The following C9orf78 variants were observed in gnomAD, a reference collection of about 807,000 sequenced individuals.
C9orf78 encodes splicing factor C9orf78.
Under a neutral mutation model 37.4 loss-of-function variants are expected in C9orf78, and 19 were observed. The observed-to-expected ratio is 0.51, with a 90% CI of 0.35 to 0.74. C9orf78 has a LOEUF of 0.74. Among genes scored for constraint, C9orf78 ranks in the 30% least tolerant of loss-of-function variants. The probability of loss-of-function intolerance (pLI) is 0.01; values close to 1 mark genes in which losing one functional copy is unlikely to be tolerated. For missense variants in C9orf78, 291 were observed against 370.8 expected (o/e 0.78, Z 1.77); for synonymous variants, 130 against 128.0 (o/e 1.02, Z -0.10).
In C9orf78 at chr9:129,831,902, G is replaced by T; in HGVS notation, c.338C>A (p.Ala113Glu). ...CAAACAGACTGACACTTACATGTCTGCATCCTCATCCCTTCGGTTGGTTTC... is the reference window on the plus strand; with the variant it reads ...CAAACAGACTGACACTTACATGTCTTCATCCTCATCCCTTCGGTTGGTTTC... ...SAETNRRDED[A>E]DMMKYIETEL... The change falls in exon 5 of 9, where the codon GCA (alanine) becomes GAA (glutamate). Residue 113 changes from alanine (A) to glutamate (E), a missense_variant. Transcript: ENST00000372447. 1 of 1,546,386 alleles carries T rather than the reference G, an allele frequency of 6.5e-7. No individual in the cohort carries two copies. The highest frequency in any genetic ancestry group is 8.9e-7 in the Non-Finnish European group (1 of 1,118,376).
chr9:129,830,385 GA>G (rs2031461981), intron 6 of C9orf78: 2 of 161,630 alleles, frequency 1.2e-5, no homozygotes. Flanking sequence ...AAATTTTTTT[GA>G]GAGACAGGAG....
At chr9:129,831,652 C>T (rs2031499328) in intron 5 of C9orf78, 1 of 442,578 alleles carries the variant, frequency 2.3e-6, no homozygotes, top group African/African-American at 2.0e-5. Flanking sequence ...TCGAACTCCC[C>T]ACCTCAGATG....
chr9:129,828,361 C>T (rs1320761379), intron 8 of C9orf78, 109 bp from the exon 9 acceptor site: 2 of 703,906 alleles, frequency 2.8e-6, no homozygotes, highest in Non-Finnish European at 5.3e-6. Flanking sequence ...ACAGGAGCCC[C>T]AGCGCCTAAC....
chr9:129,828,884 C>T (rs1212677530), intron 8 of C9orf78: 2 of 416,650 alleles, frequency 4.8e-6, no homozygotes, highest in Non-Finnish European at 9.0e-6. Context: ...GTGTGAGGCA[C>T]TGCACCCAGC....
intron 6 of C9orf78, 198 bp from the exon 7 acceptor site, chr9:129,829,739 C>A: frequency 1.9e-6 from 1 of 526,078 alleles, no homozygotes. Context: ...TTACTCTGCT[C>A]TTCTGATCAA....
rs780170176 is a variant in C9orf78 at position 129,834,779 on chromosome 9, G to A, written c.84-13C>T. On this transcript the variant is annotated splice_polypyrimidine_tract_variant and intron_variant, in intron 1 of 8. Coordinates refer to ENST00000372447, the MANE Select transcript of C9orf78 (RefSeq NM_016520.3). ...TTCCAGTTTTAATCTTTAAAAAGAA[G>A]AAGAAGCAGCAATGCATAAGCTGAG... The A allele has an allele frequency of 8.1e-6, 13 of 1,600,778 alleles. No homozygotes were observed. In the East Asian group the frequency reaches 1.3e-4, roughly 16 times the overall value.
At chr9:129,829,646 T>C in intron 6 of C9orf78, 105 bp from the exon 7 acceptor site, 15 of 941,632 alleles carry the variant, frequency 1.6e-5, no homozygotes, top group Non-Finnish European at 1.8e-5. Context: ...AAATCATGTG[T>C]CCTGGGGCAC....
chr9:129,830,039 A>T (rs963545362), intron 6 of C9orf78: 1 of 153,462 alleles, frequency 6.5e-6, no homozygotes, highest in African/African-American at 2.4e-5. Context: ...TCCAGCAGTC[A>T]GGGGCCCTTA....
At chr9:129,828,338 T>C (rs944745184) in intron 8 of C9orf78, 86 bp from the exon 9 acceptor site, 5 of 804,894 alleles carry the variant, frequency 6.2e-6, no homozygotes, top group Non-Finnish European at 1.1e-5. Context: ...GACAACTGCC[T>C]GTTTCCTTCC....
chr9:129,833,752 T>G, intron 2 of C9orf78, 43 bp from the exon 3 acceptor site: 1 of 1,473,820 alleles, frequency 6.8e-7, no homozygotes, highest in Non-Finnish European at 9.4e-7. Flanking sequence ...GAGAGAGAAA[T>G]GGCATAATTC....
rs1311507791 is a variant in C9orf78, at chr9:129,830,913, T to C, written c.500A>G (p.Asn167Ser). 3 of 1,613,954 alleles carry C rather than the reference T, an allele frequency of 1.9e-6. No individual in the cohort carries two copies. The highest frequency in any genetic ancestry group is 2.5e-6 in the Non-Finnish European group (3 of 1,179,812). ...CTCAGGAATGCCACTCAGCATCTGG[T>C]TGGAAAGCATCTCCTCGGTCTTCTT... ...SAKKTEEMLS[N>S]QMLSGIPEVD... The change falls in exon 6 of 9, where the codon AAC (asparagine) becomes AGC (serine). Residue 167 changes from asparagine to serine, a missense_variant. This residue lies in a region of C9orf78 where 13 missense variants were observed against 47.3 expected (regional missense o/e 0.27). Transcript: ENST00000372447.
chr9:129,834,006 A>G (rs577583624), intron 2 of C9orf78: 43 of 394,152 alleles, frequency 1.1e-4, no homozygotes, highest in Non-Finnish European at 1.8e-5. Flanking sequence ...CTCATCATGG[A>G]AAGTGCAGCT....
chr9:129,833,923 T>G (rs922865456), intron 2 of C9orf78: 1 of 554,850 alleles, frequency 1.8e-6, no homozygotes, highest in African/African-American at 1.9e-5. Flanking sequence ...GGTGGTGAAG[T>G]GGTACACTTT....
rs1364838811 is a variant in C9orf78 at position 129,833,429 on chromosome 9, AGCTTG to A, written c.266+13_266+17del. On this transcript the variant is annotated intron_variant, in intron 4 of 8. Coordinates refer to ENST00000372447, the MANE Select transcript of C9orf78 (RefSeq NM_016520.3). The stretch of plus-strand genomic sequence containing the variant: ...GCCGCTAAAGGTGAATTTGCATCTA[AGCTTG>A]TCCTGAACTTACTTATCTTTGCCCC... 2 of 1,513,252 alleles carry A rather than the reference AGCTTG, an allele frequency of 1.3e-6. No homozygotes were observed. The highest frequency in any genetic ancestry group is 3.3e-5 in the Admixed American group (2 of 59,762). 93.7% of individuals were successfully genotyped at this position (1,513,252 alleles called of 1,614,324 possible).
Position 129,835,271 on chromosome 9 carries a change from A to C in C9orf78, c.-50T>G, listed in dbSNP as rs1348217259. ...CCGCCGCGCCTCTGCGCAGCGGCCC[A>C]GGCTGCTTCCGGCGCGCGGCAGAGC... On this transcript the variant is annotated 5_prime_UTR_variant, in exon 1 of 9. Coordinates refer to ENST00000372447, the MANE Select transcript of C9orf78 (RefSeq NM_016520.3). 2.2e-6 allele frequency: 3 copies of C among 1,389,688 alleles called. No individual in the cohort carries two copies. The highest frequency in any genetic ancestry group is 1.8e-4 in the Middle Eastern group (1 of 5,540). The allele number at this position is 1,389,688 out of a possible 1,614,324, so 86.1% of individuals were successfully genotyped here.
chr9:129,831,051 G>A lies in C9orf78; in HGVS notation c.362C>T (p.Thr121Ile), dbSNP rs1228350359. 1 of 1,612,588 alleles carries A rather than the reference G, an allele frequency of 6.2e-7. No homozygotes were observed. The highest frequency in any genetic ancestry group is 8.5e-7 in the Non-Finnish European group (1 of 1,178,864). The change falls in exon 6 of 9, where the codon ACA becomes ATA. Residue 121 changes from threonine (T) to isoleucine (I), a missense_variant. This residue lies in a region of C9orf78 where 158 missense variants were observed against 174.8 expected (regional missense o/e 0.90). Coordinates refer to ENST00000372447, the MANE Select transcript of C9orf78 (RefSeq NM_016520.3). ...EDADMMKYIE[T>I]ELKKRKGIVE... is the part of the protein sequence containing the mutation. ...GATCCCTTTCCTCTTCTTTAGCTCT[G>A]TCTCAATGTACTTCATCCTGAAGTG...
intron 8 of C9orf78, chr9:129,828,720 G>A (rs1190721813): frequency 8.1e-6 from 2 of 246,478 alleles, no homozygotes; most frequent in Non-Finnish European, 1.6e-5. Context: ...ACCGAGCATG[G>A]CCAATACCTT....
In C9orf78 at chr9:129,835,198, G is replaced by A. The variant is rs1564190209; in HGVS notation, c.24C>T (p.Phe8=). The change falls in exon 1 of 9, where the codon TTC becomes TTT. Residue 8 remains phenylalanine (F), a synonymous_variant. Transcript: ENST00000372447. Reference sequence around the variant, plus strand: ...ACTCCGAGTCGCCCCGGCGGCGACGGAAAATCTTCCGGACGACCGGCATGG... The same window carrying A: ...ACTCCGAGTCGCCCCGGCGGCGACGAAAAATCTTCCGGACGACCGGCATGG... The part of the protein sequence containing the change: MPVVRKI[F]RRRRGDSESE... 6.2e-7 allele frequency: 1 copy of A among 1,610,526 alleles called. No individual in the cohort carries two copies. Among genetic ancestry groups the A allele is most frequent in the South Asian group, 1.1e-5 (1 of 90,970 alleles).
chr9:129,829,951 T>G, intron 6 of C9orf78: 1 of 158,478 alleles, frequency 6.3e-6, no homozygotes, highest in Non-Finnish European at 1.4e-5. Context: ...TTAACATGGC[T>G]CCTGCTAGAA....
Sources: allele counts gnomAD v4.1 joint callset, GRCh38; gene constraint gnomAD v4.1.1; regional missense constraint gnomAD v4.1.1; transcripts MANE v1.5; gene names NCBI Gene and HGNC (gene_info 2026-07-23, HGNC 2026-07-21).